RFX7: variants seen among roughly 807,000 people sequenced by gnomAD.
RFX7 encodes the protein regulatory factor X7, also known as DNA-binding protein RFX7.
A neutral mutation model predicts 111.8 loss-of-function variants in RFX7; 26 were observed. The ratio of observed to expected loss-of-function variants is 0.23; its 90% CI spans 0.17 to 0.32. RFX7 has a LOEUF of 0.32. RFX7 is among the 10% of genes least tolerant of loss of function. RFX7 has a pLI of 1.00. For synonymous variants in RFX7, 624 were observed against 624.4 expected (o/e 1.00, Z 0.01); for missense variants, 1,573 against 1,772.9 (o/e 0.89, Z 2.02).
chr15:56,210,360 TTGAAGAGTTC>T (rs1567047398), intron 2 of RFX7, among the ~76,000 whole-genome samples: 1 of 152,074 alleles, frequency 6.6e-6, no homozygotes, highest in Non-Finnish European at 1.5e-5. Context: ...ACTATTACAC[TTGAAGAGTTC>T]TGAAGAGTTC....
intron 5 of RFX7, among the ~76,000 whole-genome samples, chr15:56,114,828 C>A (rs1329972754): frequency 1.3e-5 from 2 of 151,844 alleles, no homozygotes; most frequent in African/African-American, 2.4e-5. Flanking sequence ...AGGTTAAGAA[C>A]CTTAACCTGA....
At chr15:56,155,226 C>G (rs776843116) in intron 3 of RFX7, among the ~76,000 whole-genome samples, 36 of 152,186 alleles carry the variant, frequency 2.4e-4, no homozygotes, top group Non-Finnish European at 4.0e-4. Context: ...GGCAATTCCT[C>G]AAGAATCTAG....
chr15:56,141,690 A>G (rs1465789755), intron 5 of RFX7, among the ~76,000 whole-genome samples: 1 of 55,594 alleles, frequency 1.8e-5, no homozygotes, highest in African/African-American at 1.3e-4. Context: ...TATATGCTGA[A>G]TAAGGGCAAG....
rs2041649761 is a variant in RFX7, at chr15:56,094,862, G to C, written c.2866C>G (p.Pro956Ala). Residue 956 changes from proline (P) to alanine (A), a missense_variant, in exon 10 of 10, where the codon CCT (proline) becomes GCT (alanine). Transcript: ENST00000559447. ...GGGGTTGGGGTTGGGGTTGGAGTAGGAGTGGGTGTGGGTGTGGGTGTGGGT... is the reference window on the plus strand; with the variant it reads ...GGGGTTGGGGTTGGGGTTGGAGTAGCAGTGGGTGTGGGTGTGGGTGTGGGT... ...HTPTPTPTPT[P>A]TPTPTPTPTS... 1 of 1,555,374 alleles carries C rather than the reference G, an allele frequency of 6.4e-7. No individual in the cohort carries two copies. Among genetic ancestry groups the C allele is most frequent in the Non-Finnish European group, 8.7e-7 (1 of 1,149,984 alleles).
rs555181010 is a variant in RFX7, at chr15:56,090,312, G to T, written c.*3033C>A. ...GTTCTATGCCATGCACCATTCATTG[G>T]TAATAATCTTAAGTGAACAACAGAG... On this transcript the variant is annotated 3_prime_UTR_variant, in exon 10 of 10. Transcript: ENST00000559447. The T allele has an allele frequency of 6.6e-6, 1 of 152,276 alleles. No homozygotes were observed. Among genetic ancestry groups the T allele is most frequent in the Admixed American group, 6.5e-5 (1 of 15,280 alleles). 9.4% of individuals were successfully genotyped at this position (152,276 alleles called of 1,614,324 possible). A position where few individuals can be genotyped will look rare whatever the true frequency, so the allele number is the denominator to read the frequency against.
chr15:56,192,319 T>G (rs1004513955), intron 2 of RFX7: 11 of 214,326 alleles, frequency 5.1e-5, no homozygotes, highest in Admixed American at 4.8e-4. Flanking sequence ...CTCACAGGGA[T>G]TCTTCTCAGT....
intron 2 of RFX7, among the ~76,000 whole-genome samples, chr15:56,237,751 T>G (rs1197521494): frequency 6.6e-6 from 1 of 152,174 alleles, no homozygotes; most frequent in African/African-American, 2.4e-5. Context: ...ATCAACAGGC[T>G]TGGAATTGCT....
chr15:56,211,374 G>C (rs1365198247), intron 2 of RFX7, among the ~76,000 whole-genome samples: 1 of 151,998 alleles, frequency 6.6e-6, no homozygotes, highest in Non-Finnish European at 1.5e-5. Context: ...AAAAACACTA[G>C]AGACAGATCA....
At chr15:56,141,656 A>ACTACATATAT (rs1555421058) in intron 5 of RFX7, among the ~76,000 whole-genome samples, 1 of 83,208 alleles carries the variant, frequency 1.2e-5, no homozygotes, top group Non-Finnish European at 2.2e-5. Context: ...GCTTACTCTA[A>ACTACATATAT]ATATATATAT....
chr15:56,106,970 C>A (rs549109424), intron 5 of RFX7, among the ~76,000 whole-genome samples: 2 of 151,992 alleles, frequency 1.3e-5, no homozygotes, highest in African/African-American at 2.4e-5. Context: ...GGGTGAGGAA[C>A]GGAGAATGTT....
intron 5 of RFX7, among the ~76,000 whole-genome samples, chr15:56,113,937 TAGACAATC>T: frequency 6.6e-6 from 1 of 152,164 alleles, no homozygotes; most frequent in Non-Finnish European, 1.5e-5. Flanking sequence ...AAACATTTGC[TAGACAATC>T]TGAAAGACAA....
chr15:56,153,328 C>T (rs933161063), intron 3 of RFX7, among the ~76,000 whole-genome samples: 3 of 152,136 alleles, frequency 2.0e-5, no homozygotes, highest in South Asian at 2.1e-4. Flanking sequence ...ACAGGCAAAC[C>T]GAATCCAGCA....
rs192792057 is a variant in RFX7 at position 56,136,636 on chromosome 15, A to C, written c.401+6142T>G. On this transcript the variant is annotated intron_variant, in intron 5 of 9. Transcript: ENST00000559447. ...CTTCTCCTGCCTGACTGCCCTGGCC[A>C]GCACTTCCAACACTATGTTGAATAG... 2.6e-3 allele frequency among the ~76,000 whole-genome samples: 400 copies of C among 152,120 alleles called. 1 individual carries two copies. Among genetic ancestry groups the C allele is most frequent in the African/African-American group, 9.3e-3 (386 of 41,474 alleles).
At chr15:56,115,542 A>G (rs2041999160) in intron 5 of RFX7, among the ~76,000 whole-genome samples, 1 of 152,212 alleles carries the variant, frequency 6.6e-6, no homozygotes, top group Non-Finnish European at 1.5e-5. Flanking sequence ...ACACACACAC[A>G]CATATGTGAT....
At position 56,153,479 on chromosome 15, in the gene RFX7, T is replaced by A. The variant is rs182367890; in HGVS notation, c.196-8996A>T. ...AAACAACAAACGTAATCCATCCACA[T>A]AAATCAATAAACATAATCCCATCCA... On this transcript the variant is annotated intron_variant, in intron 3 of 9. Coordinates refer to ENST00000559447, the MANE Select transcript of RFX7 (RefSeq NM_022841.7). Among the ~76,000 whole-genome samples the A allele has an allele frequency of 2.6e-5, 4 of 152,126 alleles. No individual in the cohort carries two copies. The East Asian group carries it at 7.7e-4, about 29-fold the overall frequency.
At chr15:56,166,630 A>G (rs186471023) in intron 3 of RFX7, among the ~76,000 whole-genome samples, 1 of 152,334 alleles carries the variant, frequency 6.6e-6, no homozygotes, top group African/African-American at 2.4e-5. Context: ...GAAAAGGGTG[A>G]AGAGGAATTC....
chr15:56,123,219 C>G (rs541330869), intron 5 of RFX7, among the ~76,000 whole-genome samples: 1 of 152,280 alleles, frequency 6.6e-6, no homozygotes, highest in Non-Finnish European at 1.5e-5. Context: ...CTGGCATGTA[C>G]TACCTGGTTA....
Position 56,098,213 on chromosome 15 carries a change from T to C in RFX7, c.975A>G (p.Pro325=), listed in dbSNP as rs2041707769. ...CTGACTTTTTTGCTGCAGATTCTCCTGGCAAAGGGGATTGTAGTTTCTGTT... is the reference window on the plus strand; with the variant it reads ...CTGACTTTTTTGCTGCAGATTCTCCCGGCAAAGGGGATTGTAGTTTCTGTT... ...QQEQKLQSPL[P]GESAAKKSES... Residue 325 remains proline (P), a synonymous_variant, in exon 9 of 10, where the codon CCA becomes CCG. Transcript: ENST00000559447. 1.2e-6 allele frequency: 2 copies of C among 1,613,994 alleles called. No homozygotes were observed. The highest frequency in any genetic ancestry group is 8.5e-7 in the Non-Finnish European group (1 of 1,179,862).
At chr15:56,104,560 G>C (rs2041803481) in intron 5 of RFX7, among the ~76,000 whole-genome samples, 1 of 152,204 alleles carries the variant, frequency 6.6e-6, no homozygotes, top group South Asian at 2.1e-4. Flanking sequence ...AAAACAACTG[G>C]AACACATGGT....
Sources: allele counts gnomAD v4.1 joint callset (sites outside exome capture counted in the v4.1 genomes callset), GRCh38; gene constraint gnomAD v4.1.1; transcripts MANE v1.5; gene names NCBI Gene and HGNC (gene_info 2026-07-23, HGNC 2026-07-21).